PCDH11X: variants seen among roughly 807,000 people sequenced by gnomAD.
PCDH11X encodes protocadherin 11 X-linked.
A neutral mutation model predicts 53.3 loss-of-function variants in PCDH11X; 18 were observed. That is an observed-to-expected ratio of 0.34 (90% CI 0.23 to 0.50). PCDH11X has a LOEUF of 0.50. PCDH11X is among the 20% of genes least tolerant of loss of function. The probability of loss-of-function intolerance (pLI) is 0.98; values close to 1 mark genes in which losing one functional copy is unlikely to be tolerated. For missense variants in PCDH11X, 570 were observed against 1,032.4 expected (o/e 0.55, Z 6.14); for synonymous variants, 279 against 393.3 (o/e 0.71, Z 3.44).
chrX:92,094,727 G>T (rs34475265), intron 6 of PCDH11X, among the ~76,000 whole-genome samples: 2 of 111,696 alleles, frequency 1.8e-5, no homozygotes, highest in Non-Finnish European at 3.8e-5. Flanking sequence ...TTTAACAACA[G>T]AATTCACTAG....
At chrX:92,256,592 A>G (rs2067592708) in intron 7 of PCDH11X, among the ~76,000 whole-genome samples, 1 of 111,254 alleles carries the variant, frequency 9.0e-6, no homozygotes, top group Admixed American at 9.6e-5. Flanking sequence ...CATGTCCAGG[A>G]TATGCAGGTT....
At chrX:92,254,115 A>G (rs1031293847) in intron 7 of PCDH11X, among the ~76,000 whole-genome samples, 2 of 112,032 alleles carry the variant, frequency 1.8e-5, no homozygotes, top group African/African-American at 6.5e-5. Flanking sequence ...ATACCCAGTT[A>G]AAGGGTTTTT....
chrX:91,926,289 A>T (rs1941947020), intron 6 of PCDH11X, among the ~76,000 whole-genome samples: 1 of 109,855 alleles, frequency 9.1e-6, no homozygotes. Context: ...GAAGGCCGGT[A>T]TGTTGGTTCT....
chrX:91,929,214 T>G (rs1942042328), intron 6 of PCDH11X, among the ~76,000 whole-genome samples: 1 of 111,347 alleles, frequency 9.0e-6, no homozygotes, highest in Non-Finnish European at 1.9e-5. Flanking sequence ...CAAAATTATT[T>G]CAACCATTTT....
At chrX:91,836,995 T>G (rs1164477148) in intron 5 of PCDH11X, among the ~76,000 whole-genome samples, 1 of 107,984 alleles carries the variant, frequency 9.3e-6, no homozygotes, top group Non-Finnish European at 1.9e-5. Flanking sequence ...TGTGCATGTT[T>G]CAGATAGATA....
At chrX:92,187,593 T>C (rs1248262435) in intron 6 of PCDH11X, among the ~76,000 whole-genome samples, 11 of 111,635 alleles carry the variant, frequency 9.9e-5, no homozygotes, top group Non-Finnish European at 1.7e-4. Flanking sequence ...CAAGGTAATA[T>C]ATAGATCTTA....
intron 6 of PCDH11X, among the ~76,000 whole-genome samples, chrX:91,924,457 C>A (rs1941861704): frequency 9.0e-6 from 1 of 111,539 alleles, no homozygotes; most frequent in South Asian, 3.7e-4. Flanking sequence ...TGACCTCCAG[C>A]ACTATAATAA....
intron 9 of PCDH11X, among the ~76,000 whole-genome samples, chrX:92,417,491 C>A (rs1350774610): frequency 9.0e-6 from 1 of 110,898 alleles, no homozygotes. Context: ...TCAAACAAAT[C>A]TTTTTATTAC....
chrX:91,847,123 G>T (rs1315842478), intron 5 of PCDH11X, among the ~76,000 whole-genome samples: 3 of 109,094 alleles, frequency 2.7e-5, no homozygotes, highest in Non-Finnish European at 3.8e-5. Context: ...GTAGCTTAAA[G>T]AATGAATTAT....
At chrX:91,961,455 C>T (rs924065842) in intron 6 of PCDH11X, among the ~76,000 whole-genome samples, 2 of 110,777 alleles carry the variant, frequency 1.8e-5, no homozygotes, top group Non-Finnish European at 3.8e-5. Context: ...CTAGCCAGGG[C>T]AATGAGGCAA....
intron 8 of PCDH11X, chrX:92,288,089 A>G: frequency 2.1e-6 from 1 of 478,513 alleles, no homozygotes; most frequent in Non-Finnish European, 3.7e-6. Flanking sequence ...TTTATAAACT[A>G]CCCAGTCTCA....
intron 10 of PCDH11X, among the ~76,000 whole-genome samples, chrX:92,528,558 T>A (rs930580142): frequency 8.9e-6 from 1 of 111,824 alleles, no homozygotes; most frequent in Non-Finnish European, 1.9e-5. Flanking sequence ...CTCCCAAAAG[T>A]GCTGGGATTA....
Position 92,338,517 on chromosome X carries a change from A to G in PCDH11X, c.3145-49218A>G, listed in dbSNP as rs181607248. 2.0e-3 allele frequency among the ~76,000 whole-genome samples: 225 copies of G among 110,246 alleles called. No homozygotes were observed. In the Middle Eastern group the frequency reaches 0.023, roughly 11 times the overall value. On this transcript the variant is annotated intron_variant, in intron 8 of 10. Transcript: ENST00000682573. ...TTCCAAATGTTGGAAGCATTTCACC[A>G]CATAATACTGTTTTCTGCCTTGAAT...
chrX:92,422,922 C>T (rs1217509106), intron 9 of PCDH11X, among the ~76,000 whole-genome samples: 3 of 109,062 alleles, frequency 2.8e-5, no homozygotes, highest in East Asian at 5.8e-4. Context: ...GATATCGGCT[C>T]ACTGCAAACT....
At chrX:92,263,195 T>C (rs1195796124) in intron 8 of PCDH11X, 52 bp downstream of exon 8, 8 of 1,028,693 alleles carry the variant, frequency 7.8e-6, no homozygotes, top group Middle Eastern at 2.5e-4. Context: ...GTGTTTATAC[T>C]GTGTGAAGCT....
intron 6 of PCDH11X, among the ~76,000 whole-genome samples, chrX:92,136,570 C>T (rs991983568): frequency 6.7e-5 from 7 of 104,914 alleles, no homozygotes; most frequent in African/African-American, 2.5e-4. Flanking sequence ...TCCAGCCATG[C>T]TCATTCTTTT....
intron 6 of PCDH11X, among the ~76,000 whole-genome samples, chrX:92,001,696 G>A (rs1485526681): frequency 2.7e-5 from 3 of 109,921 alleles, no homozygotes; most frequent in Non-Finnish European, 5.7e-5. Context: ...TCGAACTCCC[G>A]ACCTCAGGTG....
At chrX:91,960,205 C>T (rs182535592) in intron 6 of PCDH11X, among the ~76,000 whole-genome samples, 4,481 of 103,469 alleles carry the variant, frequency 0.043, 253 homozygotes, top group African/African-American at 0.14. Flanking sequence ...TAAACATTTT[C>T]TTTCATTCTT....
At chrX:92,020,643 G>C (rs889736691) in intron 6 of PCDH11X, among the ~76,000 whole-genome samples, 17 of 109,708 alleles carry the variant, frequency 1.5e-4, no homozygotes, top group African/African-American at 5.8e-4. Flanking sequence ...GGGCAGCCCA[G>C]ATAGGTGGGA....
Sources: gnomAD v4.1 joint callset for allele counts (sites outside exome capture counted in the v4.1 genomes callset) on GRCh38, gnomAD v4.1.1 for gene constraint, MANE v1.5 for transcripts, NCBI Gene and HGNC (gene_info 2026-07-23, HGNC 2026-07-21) for gene names.